N4BP2L2: variants seen among roughly 807,000 people sequenced by gnomAD.
N4BP2L2 encodes the protein NEDD4 binding protein 2 like 2.
A neutral mutation model predicts 56.2 loss-of-function variants in N4BP2L2; 50 were observed. The observed-to-expected ratio is 0.89, with a 90% CI of 0.71 to 1.13. The LOEUF (loss-of-function observed/expected upper bound fraction) is 1.13, where lower values mean the gene tolerates loss of function less well. N4BP2L2 is among the 50% of genes most tolerant of loss of function. The pLI, the probability that N4BP2L2 is intolerant of heterozygous loss-of-function variation, is 0.00. For missense variants in N4BP2L2, 689 were observed against 693.8 expected (o/e 0.99, Z 0.08); for synonymous variants, 203 against 223.6 (o/e 0.91, Z 0.82).
chr13:32,493,427 G>A (rs892367342), intron 6 of N4BP2L2, among the ~76,000 whole-genome samples: 2 of 152,138 alleles, frequency 1.3e-5, no homozygotes, highest in African/African-American at 4.8e-5. Flanking sequence ...TACATTCATG[G>A]TTTAAACTGG....
At chr13:32,442,628 A>T in exon 7 of N4BP2L2, 1 of 1,613,930 alleles carries the variant, frequency 6.2e-7, no homozygotes, top group Non-Finnish European at 8.5e-7. Flanking sequence ...ATTTCTGGAG[A>T]AATAAACCCT....
chr13:32,538,780 C>T, exon 1 of N4BP2L2: 2 of 985,464 alleles, frequency 2.0e-6, no homozygotes, highest in Non-Finnish European at 2.4e-6. Context: ...AACCTCACCT[C>T]CGTACGCAAG....
At chr13:32,474,221 T>C (rs1593678111) in intron 6 of N4BP2L2, among the ~76,000 whole-genome samples, 1 of 152,130 alleles carries the variant, frequency 6.6e-6, no homozygotes, top group African/African-American at 2.4e-5. Flanking sequence ...AAAGCAAATA[T>C]GGCAAAATGT....
intron 5 of N4BP2L2, among the ~76,000 whole-genome samples, chr13:32,520,284 C>T (rs1036658589): frequency 4.0e-5 from 6 of 150,202 alleles, no homozygotes; most frequent in East Asian, 1.9e-4. Context: ...TGTAAGGGTA[C>T]GTGAATTTTA....
chr13:32,487,629 G>A (rs1348066785), intron 6 of N4BP2L2, among the ~76,000 whole-genome samples: 2 of 151,248 alleles, frequency 1.3e-5, no homozygotes, highest in East Asian at 1.9e-4. Context: ...CCAAGATCGC[G>A]CCACTGCACT....
intron 6 of N4BP2L2, among the ~76,000 whole-genome samples, chr13:32,467,657 CAATG>C (rs2081468012): frequency 6.7e-6 from 1 of 149,998 alleles, no homozygotes; most frequent in African/African-American, 2.5e-5. Context: ...ATATAGGTAA[CAATG>C]AAAAAAAAAT....
At chr13:32,436,535 A>G (rs1182735105) in intron 8 of N4BP2L2, 1 of 380,148 alleles carries the variant, frequency 2.6e-6, no homozygotes, top group African/African-American at 2.1e-5. Flanking sequence ...CACGCCTGTA[A>G]TCCCAGCACT....
chr13:32,530,775 C>T (rs1004512549), intron 2 of N4BP2L2, among the ~76,000 whole-genome samples: 20 of 151,904 alleles, frequency 1.3e-4, no homozygotes, highest in African/African-American at 4.6e-4. Context: ...TGATCCCTGC[C>T]TCCTGGTACT....
exon 2 of N4BP2L2, chr13:32,536,354 C>A: frequency 1.9e-6 from 3 of 1,614,076 alleles, no homozygotes; most frequent in Non-Finnish European, 2.5e-6. Flanking sequence ...AGCTTTATTA[C>A]TAAGATCTTT....
chr13:32,527,373 A>C (rs1285623628), intron 3 of N4BP2L2, 35 bp downstream of exon 3: 1 of 1,601,468 alleles, frequency 6.2e-7, no homozygotes, highest in East Asian at 2.2e-5. Context: ...TCCTAGCCAA[A>C]TATTCTATCC....
downstream of N4BP2L2, chr13:32,508,009 CAG>C (rs1371654973): frequency 6.6e-6 from 1 of 151,956 alleles, no homozygotes; most frequent in African/African-American, 2.4e-5. Flanking sequence ...GCAAAGGAGA[CAG>C]AAATAACCAC....
intron 6 of N4BP2L2, among the ~76,000 whole-genome samples, chr13:32,492,273 A>ATTTTTTTTTTTTTTTTT (rs72053635): frequency 1.4e-5 from 1 of 72,128 alleles, no homozygotes; most frequent in Non-Finnish European, 2.4e-5. Context: ...AAACACCAAA[A>ATTTTTTTTTTTTTTTTT]TTTTTTTTTT....
Position 32,461,103 on chromosome 13 carries a change from C to T in N4BP2L2, c.366-16977G>A, listed in dbSNP as rs527959815. Among the ~76,000 whole-genome samples, 3 of 152,240 alleles carry T rather than the reference C, an allele frequency of 2.0e-5. 1 individual carries two copies. The South Asian group carries it at 6.2e-4, about 32-fold the overall frequency. On this transcript the variant is annotated intron_variant, in intron 6 of 9. Coordinates refer to the N4BP2L2 transcript ENST00000357505. ...AGACCCCTATAGAAAAGTCAAATCT[C>T]ACCATATACAAAAATCAATTCAAAA...
At chr13:32,443,116 A>G (rs2076596896) in exon 7 of N4BP2L2, 2 of 1,612,480 alleles carry the variant, frequency 1.2e-6, no homozygotes, top group African/African-American at 2.7e-5. Context: ...ATTCTTTGGT[A>G]TATCCGGTTG....
intron 8 of N4BP2L2, chr13:32,436,431 A>C (rs1455670778): frequency 9.7e-7 from 1 of 1,033,110 alleles, no homozygotes; most frequent in Non-Finnish European, 1.4e-6. Flanking sequence ...AAAATACATA[A>C]AATATTAATA....
exon 6 of N4BP2L2, chr13:32,517,117 C>A: frequency 1.0e-6 from 1 of 983,828 alleles, no homozygotes; most frequent in East Asian, 1.1e-4. Flanking sequence ...TCACTTTATC[C>A]CTTCAAGAAC....
chr13:32,477,791 T>G lies in N4BP2L2; in HGVS notation c.366-33665A>C, dbSNP rs528832042. ...CCAATTGGGCCTGACCAGGTCTTGT[T>G]AAGAGGTATACAGCTGAGAAATACT... On this transcript the variant is annotated intron_variant, in intron 6 of 9. Coordinates refer to the N4BP2L2 transcript ENST00000357505. 1,026 of 1,088,396 alleles carry G rather than the reference T, an allele frequency of 9.4e-4. 9 individuals carry two copies. In the African/African-American group the frequency reaches 0.014, roughly 15 times the overall value. 67.4% of individuals were successfully genotyped at this position (1,088,396 alleles called of 1,614,324 possible).
chr13:32,439,327 G>A (rs1175493802), intron 7 of N4BP2L2, among the ~76,000 whole-genome samples: 2 of 152,152 alleles, frequency 1.3e-5, no homozygotes, highest in Non-Finnish European at 2.9e-5. Flanking sequence ...TGATGAATGA[G>A]GTCTATTTCC....
chr13:32,526,840 T>TTTTTTTTTTTTTTTTTTTTA (rs2053097768), intron 3 of N4BP2L2: 1 of 141,610 alleles, frequency 7.1e-6, no homozygotes, highest in Non-Finnish European at 1.5e-5. Flanking sequence ...TTTTTTTTTT[T>TTTTTTTTTTTTTTTTTTTTA]TTTTTTGCTT....
Sources: allele counts gnomAD v4.1 joint callset (sites outside exome capture counted in the v4.1 genomes callset), GRCh38; gene constraint gnomAD v4.1.1; transcripts MANE v1.5; gene names NCBI Gene and HGNC (gene_info 2026-07-23, HGNC 2026-07-21).